The following PITPNA variants were observed in gnomAD, a reference collection of about 807,000 sequenced individuals.
The protein encoded by PITPNA is phosphatidylinositol transfer protein alpha.
In PITPNA, 13 loss-of-function variants were observed where a neutral mutation model predicts 50.3. The observed-to-expected ratio is 0.26, with a 90% confidence interval of 0.17 to 0.41. The LOEUF (loss-of-function observed/expected upper bound fraction) is 0.41, where lower values mean the gene tolerates loss of function less well. Among genes scored for constraint, PITPNA ranks in the 10% least tolerant of loss-of-function variants. The pLI, the probability that PITPNA is intolerant of heterozygous loss-of-function variation, is 1.00. For synonymous variants in PITPNA, 120 were observed against 119.6 expected (o/e 1.00, Z -0.02); for missense variants, 207 against 333.4 (o/e 0.62, Z 2.95).
At chr17:1,523,349 ATTGTT>A (rs1264053103) in intron 10 of PITPNA, among the ~76,000 whole-genome samples, 45 of 151,992 alleles carry the variant, frequency 3.0e-4, no homozygotes, top group African/African-American at 1.1e-3. Flanking sequence ...CCTAGACTGT[ATTGTT>A]TTGTTTGAGA....
intron 8 of PITPNA, 69 bp from the exon 9 acceptor site, chr17:1,535,361 C>A: frequency 6.7e-7 from 1 of 1,501,930 alleles, no homozygotes; most frequent in Non-Finnish European, 9.3e-7. Flanking sequence ...CCCAGCTCAC[C>A]CCAGCCATGC....
chr17:1,533,547 G>A (rs566696031), intron 10 of PITPNA, among the ~76,000 whole-genome samples: 4 of 152,244 alleles, frequency 2.6e-5, no homozygotes, highest in South Asian at 4.1e-4. Context: ...ATCTCCAAAT[G>A]AGGCATGAGA....
rs1264623741 is a variant in PITPNA at position 1,541,490 on chromosome 17, C to T, written c.372+76G>A. 3.9e-6 allele frequency: 4 copies of T among 1,031,446 alleles called. No homozygotes were observed. The Admixed American group carries it at 6.9e-5, about 18-fold the overall frequency. The allele number at this position is 1,031,446 out of a possible 1,614,324, so 63.9% of individuals were successfully genotyped here. ...GCAAAAGAGGACCACAGAGAGGACC[C>T]CATGGTAGCCCTGGAGAGGCTACAA... On this transcript the variant is annotated intron_variant, in intron 6 of 11. Coordinates refer to ENST00000313486, the MANE Select transcript of PITPNA (RefSeq NM_006224.4).
chr17:1,538,063 G>A (rs1336353886), intron 7 of PITPNA, among the ~76,000 whole-genome samples: 2 of 152,194 alleles, frequency 1.3e-5, no homozygotes, highest in African/African-American at 4.8e-5. Context: ...GCCTCCCAAA[G>A]TGTTGGAACT....
chr17:1,538,424 T>C (rs985320040), intron 7 of PITPNA: 4 of 159,106 alleles, frequency 2.5e-5, no homozygotes, highest in African/African-American at 7.2e-5. Flanking sequence ...CACCGACTTC[T>C]GGAGGGCAGG....
At chr17:1,542,870 T>C in intron 5 of PITPNA, 150 bp downstream of exon 5, 1 of 605,946 alleles carries the variant, frequency 1.7e-6, no homozygotes. Flanking sequence ...AGTTAACAGG[T>C]TCCTTGTTAG....
Position 1,543,043 on chromosome 17 carries a change from G to C in PITPNA, c.290-16C>G. On this transcript the variant is annotated splice_polypyrimidine_tract_variant and intron_variant, in intron 4 of 11. Coordinates refer to ENST00000313486, the MANE Select transcript of PITPNA (RefSeq NM_006224.4). ...ACTGTAATAACTGCTCCGAGGCAAG[G>C]ACATGGAAAGAAGAGAGAAAAAGAT... 6.3e-7 allele frequency: 1 copy of C among 1,575,984 alleles called. No homozygotes were observed. The highest frequency in any genetic ancestry group is 1.1e-5 in the South Asian group (1 of 88,550).
At chr17:1,534,997 C>CA (rs1298716292) in intron 9 of PITPNA, among the ~76,000 whole-genome samples, 185 bp downstream of exon 9, 4 of 152,160 alleles carry the variant, frequency 2.6e-5, no homozygotes, top group African/African-American at 9.7e-5. Context: ...CACACGCAGT[C>CA]ACTGGGAAGG....
intron 10 of PITPNA, among the ~76,000 whole-genome samples, chr17:1,532,561 G>A (rs1411935248): frequency 2.0e-5 from 3 of 152,180 alleles, no homozygotes; most frequent in East Asian, 1.9e-4. Context: ...ATACTTCCAC[G>A]AACCCCAACA....
At chr17:1,521,478 G>A (rs960103917) in intron 11 of PITPNA, 101 bp downstream of exon 11, 5 of 786,114 alleles carry the variant, frequency 6.4e-6, no homozygotes, top group South Asian at 1.4e-5. Context: ...CTAGAGGGAA[G>A]GAGGAATAGG....
At chr17:1,548,436 G>A (rs768608970) in intron 3 of PITPNA, 49 bp from the exon 4 acceptor site, 5 of 1,296,240 alleles carry the variant, frequency 3.9e-6, no homozygotes, top group Non-Finnish European at 4.3e-6. Context: ...AGAGAGAAAG[G>A]AGACAAGAGG....
Position 1,541,573 on chromosome 17 carries a change from T to C in PITPNA, c.365A>G (p.Gln122Arg). ...TTGGGAACTACTACTCACATTCTCCTGCGTGCCAAGATCTGGTTTGTGCCA... is the reference window on the plus strand; with the variant it reads ...TTGGGAACTACTACTCACATTCTCCCGCGTGCCAAGATCTGGTTTGTGCCA... ...ETWHKPDLGT[Q>R]ENVHKLEPEA... Residue 122 changes from glutamine to arginine, a missense_variant, in exon 6 of 12, where the codon CAG (glutamine) becomes CGG (arginine). Physicochemically the swap from Gln to Arg is conservative, Grantham distance 43 (BLOSUM62 1). Coordinates refer to ENST00000313486, the MANE Select transcript of PITPNA (RefSeq NM_006224.4). 1.9e-6 allele frequency: 3 copies of C among 1,612,302 alleles called. No homozygotes were observed. Among genetic ancestry groups the C allele is most frequent in the Non-Finnish European group, 2.5e-6 (3 of 1,178,344 alleles).
In PITPNA at chr17:1,557,504, G is replaced by A. The variant is rs529144413; in HGVS notation, c.51+1025C>T. On this transcript the variant is annotated intron_variant, in intron 2 of 11. Coordinates refer to ENST00000313486, the MANE Select transcript of PITPNA (RefSeq NM_006224.4). ...CTCGAGTTTAACTGGAAGCTGGGGC[G>A]GGGTGGGGCTGTGATTTCAGAAGGA... 2.3e-3 allele frequency among the ~76,000 whole-genome samples: 355 copies of A among 152,262 alleles called. 3 individuals are homozygous for A. The highest frequency in any genetic ancestry group is 3.8e-3 in the Non-Finnish European group (260 of 68,028).
chr17:1,530,862 G>C lies in PITPNA; in HGVS notation c.768+3237C>G, dbSNP rs796329688. On this transcript the variant is annotated intron_variant, in intron 10 of 11. Coordinates refer to ENST00000313486, the MANE Select transcript of PITPNA (RefSeq NM_006224.4). The stretch of plus-strand genomic sequence containing the variant: ...GCTGAACCTAAGTGCCTGGAGGATG[G>C]AGAGCGGAGAAGGAGCTGCAGGTTC... Among the ~76,000 whole-genome samples, 62 of 152,328 alleles carry C rather than the reference G, an allele frequency of 4.1e-4. 1 individual carries two copies. Among genetic ancestry groups the C allele is most frequent in the African/African-American group, 1.3e-3 (52 of 41,578 alleles).
At chr17:1,521,690 TG>T in intron 10 of PITPNA, 45 bp from the exon 11 acceptor site, 1 of 1,534,224 alleles carries the variant, frequency 6.5e-7, no homozygotes. Flanking sequence ...CTGCTGCTGA[TG>T]GAACTCCTGC....
At chr17:1,553,450 A>G (rs1374964084) in intron 2 of PITPNA, among the ~76,000 whole-genome samples, 5 of 152,106 alleles carry the variant, frequency 3.3e-5, no homozygotes, top group Admixed American at 3.3e-4. Context: ...TATGTTGCCC[A>G]GGCTGGTCTC....
In PITPNA at chr17:1,521,584, A is replaced by T; in HGVS notation, c.*17T>A. 1 of 1,609,726 alleles carries T rather than the reference A, an allele frequency of 6.2e-7. No homozygotes were observed. The highest frequency in any genetic ancestry group is 8.5e-7 in the Non-Finnish European group (1 of 1,176,008). ...GTGAGAAATTTGGTACGTACAGTGC[A>T]GAGGGGAAAGGCGGCTTTAGTCATC... On this transcript the variant is annotated 3_prime_UTR_variant, in exon 11 of 12. Coordinates refer to ENST00000313486, the MANE Select transcript of PITPNA (RefSeq NM_006224.4).
intron 10 of PITPNA, among the ~76,000 whole-genome samples, chr17:1,521,859 G>A (rs373656677): frequency 1.3e-4 from 19 of 150,480 alleles, no homozygotes; most frequent in South Asian, 2.1e-4. Context: ...CTCGTGTCAC[G>A]GTGTTTGAAG....
intron 5 of PITPNA, among the ~76,000 whole-genome samples, chr17:1,542,155 G>A (rs1426637370): frequency 1.3e-5 from 2 of 151,160 alleles, no homozygotes; most frequent in Admixed American, 6.6e-5. Flanking sequence ...AGCCGAGATT[G>A]CACCACTGCA....
Sources: allele counts gnomAD v4.1 joint callset (sites outside exome capture counted in the v4.1 genomes callset), GRCh38; gene constraint gnomAD v4.1.1; transcripts MANE v1.5; gene names NCBI Gene and HGNC (gene_info 2026-07-23, HGNC 2026-07-21).